Variants in GPC6 observed in about 807,000 individuals in gnomAD.
GPC6 encodes the protein glypican-6.
Under a neutral mutation model 55.2 loss-of-function variants are expected in GPC6, and 14 were observed. That is an observed-to-expected ratio of 0.25 (90% CI 0.17 to 0.40). The LOEUF (loss-of-function observed/expected upper bound fraction) is 0.40. GPC6 is among the 10% of genes least tolerant of loss of function. The pLI is 1.00. For missense variants in GPC6, 641 were observed against 708.5 expected (o/e 0.90, Z 1.08); for synonymous variants, 278 against 259.6 (o/e 1.07, Z -0.68).
chr13:93,467,309 A>C (rs1221881744), intron 1 of GPC6, among the ~76,000 whole-genome samples: 2 of 152,190 alleles, frequency 1.3e-5, no homozygotes, highest in East Asian at 3.9e-4. Context: ...TGAATTACAC[A>C]TACCAGATGG....
intron 1 of GPC6, among the ~76,000 whole-genome samples, chr13:93,294,705 GT>G (rs1371250026): frequency 6.6e-6 from 1 of 152,112 alleles, no homozygotes; most frequent in Non-Finnish European, 1.5e-5. Context: ...GAAAACCCCA[GT>G]CAGTTTTCTA....
chr13:94,016,803 C>T (rs1341588629), intron 3 of GPC6, among the ~76,000 whole-genome samples: 11 of 151,780 alleles, frequency 7.2e-5, no homozygotes, highest in African/African-American at 2.4e-4. Flanking sequence ...TTGATTTATT[C>T]CCAGGTATTT....
intron 1 of GPC6, among the ~76,000 whole-genome samples, chr13:93,344,283 G>C (rs948461323): frequency 2.0e-5 from 3 of 152,140 alleles, no homozygotes; most frequent in African/African-American, 4.8e-5. Context: ...CCTGCAAGTG[G>C]GCAGGGCCAG....
chr13:93,857,893 G>T (rs1291054011), intron 3 of GPC6, among the ~76,000 whole-genome samples: 1 of 151,478 alleles, frequency 6.6e-6, no homozygotes, highest in African/African-American at 2.4e-5. Context: ...GTCAAAGAGA[G>T]GAATGATCTT....
chr13:93,568,307 A>G (rs1171533749), intron 2 of GPC6, among the ~76,000 whole-genome samples: 1 of 152,212 alleles, frequency 6.6e-6, no homozygotes, highest in African/African-American at 2.4e-5. Flanking sequence ...GATAACGAGT[A>G]TATCTCTCTT....
At chr13:93,559,759 A>ATT (rs1476840991) in intron 2 of GPC6, among the ~76,000 whole-genome samples, 2 of 152,144 alleles carry the variant, frequency 1.3e-5, no homozygotes, top group Admixed American at 1.3e-4. Flanking sequence ...TAACATCTCC[A>ATT]TTTTTTCAAG....
intron 3 of GPC6, among the ~76,000 whole-genome samples, chr13:93,922,088 A>G (rs1877605033): frequency 6.6e-6 from 1 of 152,238 alleles, no homozygotes; most frequent in African/African-American, 2.4e-5. Flanking sequence ...AAGAAAAAGA[A>G]AAAGAAAAAA....
chr13:94,315,711 C>T (rs570354594), intron 6 of GPC6, among the ~76,000 whole-genome samples: 12 of 152,314 alleles, frequency 7.9e-5, no homozygotes, highest in Non-Finnish European at 1.8e-4. Context: ...ATTACTTTCT[C>T]CAACCCTAAG....
intron 4 of GPC6, among the ~76,000 whole-genome samples, chr13:94,152,029 A>G (rs1034092718): frequency 6.6e-6 from 1 of 152,114 alleles, no homozygotes; most frequent in African/African-American, 2.4e-5. Context: ...ATACTAGAGC[A>G]ATCTACAGGG....
At chr13:93,936,395 A>C (rs944317843) in intron 3 of GPC6, among the ~76,000 whole-genome samples, 2 of 151,140 alleles carry the variant, frequency 1.3e-5, no homozygotes, top group African/African-American at 4.8e-5. Context: ...GTGTGCGGGC[A>C]TGTGTGTGTG....
chr13:94,314,477 C>T (rs917897227), intron 6 of GPC6, among the ~76,000 whole-genome samples: 1 of 152,178 alleles, frequency 6.6e-6, no homozygotes, highest in Admixed American at 6.5e-5. Context: ...TCTGCGCACT[C>T]GTTTCACGGT....
intron 4 of GPC6, among the ~76,000 whole-genome samples, chr13:94,031,792 C>G (rs151021112): frequency 6.6e-6 from 1 of 152,168 alleles, no homozygotes; most frequent in Non-Finnish European, 1.5e-5. Flanking sequence ...TTGTTATCAA[C>G]GCTCCATAGA....
chr13:94,132,159 A>G (rs764956269), intron 4 of GPC6, among the ~76,000 whole-genome samples: 26 of 152,312 alleles, frequency 1.7e-4, no homozygotes, highest in Non-Finnish European at 3.4e-4. Context: ...AGCGAGGTAC[A>G]GAAGACTCAA....
At chr13:93,792,124 G>T (rs1376771587) in intron 2 of GPC6, among the ~76,000 whole-genome samples, 2 of 152,192 alleles carry the variant, frequency 1.3e-5, no homozygotes, top group East Asian at 3.8e-4. Flanking sequence ...TATTGAACCT[G>T]CTTCCTCTTT....
chr13:93,711,353 G>A (rs753692569), intron 2 of GPC6, among the ~76,000 whole-genome samples: 3 of 151,596 alleles, frequency 2.0e-5, no homozygotes, highest in African/African-American at 7.3e-5. Context: ...ATCAGATCTC[G>A]TGAGACCTAT....
chr13:94,038,846 A>G (rs1883428808), intron 4 of GPC6, among the ~76,000 whole-genome samples: 1 of 151,968 alleles, frequency 6.6e-6, no homozygotes, highest in African/African-American at 2.4e-5. Flanking sequence ...CATGTAAGCC[A>G]AACGCATAAT....
intron 2 of GPC6, among the ~76,000 whole-genome samples, chr13:93,746,124 G>T (rs553294191): frequency 2.6e-4 from 40 of 152,146 alleles, no homozygotes; most frequent in Non-Finnish European, 2.2e-4. Flanking sequence ...AAGCTGTTTT[G>T]ATATACTACA....
At chr13:93,365,540 G>A (rs1407820668) in intron 1 of GPC6, among the ~76,000 whole-genome samples, 1 of 151,990 alleles carries the variant, frequency 6.6e-6, no homozygotes, top group African/African-American at 2.4e-5. Flanking sequence ...GAGTTAGGTG[G>A]CAAAATACTT....
At chr13:93,244,329 G>A (rs1029818918) in intron 1 of GPC6, among the ~76,000 whole-genome samples, 4 of 152,178 alleles carry the variant, frequency 2.6e-5, no homozygotes, top group Non-Finnish European at 5.9e-5. Flanking sequence ...GACTTCCCCC[G>A]CAAGACAGAA....
Sources: gnomAD v4.1 joint callset for allele counts (sites outside exome capture counted in the v4.1 genomes callset) on GRCh38, gnomAD v4.1.1 for gene constraint, MANE v1.5 for transcripts, NCBI Gene and HGNC (gene_info 2026-07-23, HGNC 2026-07-21) for gene names.